The following RTN4IP1 variants were observed in gnomAD, a reference collection of about 807,000 sequenced individuals.
RTN4IP1 encodes NAD(P)H oxidoreductase RTN4IP1, mitochondrial.
Under a neutral mutation model 46.6 loss-of-function variants are expected in RTN4IP1, and 32 were observed. The ratio of observed to expected loss-of-function variants is 0.69; its 90% CI spans 0.52 to 0.92. The LOEUF is 0.92. Among genes scored for constraint, RTN4IP1 ranks in the 40% least tolerant of loss-of-function variants. The probability of loss-of-function intolerance (pLI) is 0.00; values close to 1 mark genes in which losing one functional copy is unlikely to be tolerated. For synonymous variants in RTN4IP1, 167 were observed against 161.8 expected, an observed-to-expected ratio of 1.03 and a Z score of -0.24; for missense variants, 424 against 485.8, an observed-to-expected ratio of 0.87 and a Z score of 1.20.
intron 5 of RTN4IP1, among the ~76,000 whole-genome samples, chr6:106,594,615 A>G (rs147542813): frequency 2.0e-3 from 305 of 152,238 alleles, no homozygotes; most frequent in African/African-American, 6.9e-3. Flanking sequence ...AAATTCTCCC[A>G]TGTGCCCCAA....
intron 4 of RTN4IP1, among the ~76,000 whole-genome samples, chr6:106,617,688 C>T (rs1776388240): frequency 6.6e-6 from 1 of 152,060 alleles, no homozygotes; most frequent in African/African-American, 2.4e-5. Context: ...AGAGACAGAT[C>T]TTTGTCTCTA....
intron 8 of RTN4IP1, among the ~76,000 whole-genome samples, chr6:106,576,923 T>C (rs1341368983): frequency 6.6e-6 from 1 of 152,178 alleles, no homozygotes; most frequent in African/African-American, 2.4e-5. Context: ...TAAGTGATAG[T>C]GGGCCTTCAG....
intron 5 of RTN4IP1, among the ~76,000 whole-genome samples, chr6:106,592,993 G>A (rs1775701059): frequency 6.6e-6 from 1 of 150,626 alleles, no homozygotes. Context: ...CCCAAAAATA[G>A]TATGTCTTCA....
At chr6:106,602,485 A>G (rs1250870244) in intron 5 of RTN4IP1, among the ~76,000 whole-genome samples, 2 of 152,118 alleles carry the variant, frequency 1.3e-5, no homozygotes, top group Admixed American at 6.5e-5. Flanking sequence ...GCTGTTTCCT[A>G]TTAAATTGCT....
At chr6:106,598,621 G>A (rs1406091304) in intron 5 of RTN4IP1, among the ~76,000 whole-genome samples, 2 of 151,968 alleles carry the variant, frequency 1.3e-5, no homozygotes, top group Non-Finnish European at 2.9e-5. Context: ...AGTAGGTTGC[G>A]AAAATTTTCT....
At position 106,625,050 on chromosome 6, in the gene RTN4IP1, C is replaced by CCAAATTATTATTA. The variant is rs1776602738; in HGVS notation, c.275-2082_275-2081insTAATAATAATTTG. Among the ~76,000 whole-genome samples the CCAAATTATTATTA allele has an allele frequency of 2.6e-5, 4 of 151,878 alleles. No homozygotes were observed. In the South Asian group the frequency reaches 6.2e-4, roughly 24 times the overall value. On this transcript the variant is annotated intron_variant, in intron 1 of 8. Transcript: ENST00000369063. ...TTTTTTGGTTCAAGTAAATTTGCTA[C>CCAAATTATTATTA]TCTATAATAATCCAGAGTAATTTAT...
chr6:106,629,284 C>A lies in RTN4IP1; in HGVS notation c.-263G>T. On this transcript the variant is annotated 5_prime_UTR_variant, in exon 1 of 9. Transcript: ENST00000369063. ...TCCATTCTCCTCCCTCACTTTCACC[C>A]CCTCCACTTTAAAAAAAAAAGGGGG... 3.7e-6 allele frequency: 2 copies of A among 546,882 alleles called. No individual in the cohort carries two copies. The highest frequency in any genetic ancestry group is 6.4e-6 in the Non-Finnish European group (2 of 310,696). The allele number at this position is 546,882 out of a possible 1,614,324, so 33.9% of individuals were successfully genotyped here. A position where few individuals can be genotyped will look rare whatever the true frequency, so the allele number is the denominator to read the frequency against.
At chr6:106,588,896 A>G (rs1488340241) in intron 6 of RTN4IP1, among the ~76,000 whole-genome samples, 2 of 151,860 alleles carry the variant, frequency 1.3e-5, no homozygotes, top group Non-Finnish European at 2.9e-5. Flanking sequence ...GGATCACCTG[A>G]GGTCAGGAGT....
intron 7 of RTN4IP1, among the ~76,000 whole-genome samples, chr6:106,584,006 C>T (rs1042376008): frequency 6.6e-6 from 1 of 152,218 alleles, no homozygotes; most frequent in Non-Finnish European, 1.5e-5. Context: ...AATACAAAGC[C>T]ATCTCATCTA....
chr6:106,590,649 A>G (rs1775633353), intron 6 of RTN4IP1, among the ~76,000 whole-genome samples: 1 of 129,620 alleles, frequency 7.7e-6, no homozygotes, highest in Admixed American at 9.4e-5. Context: ...CGGAAGGCAG[A>G]GGTTGCAGTG....
At chr6:106,630,035 C>G (rs1776785196), upstream of RTN4IP1, among the ~76,000 whole-genome samples, 1 of 152,196 alleles carries the variant, frequency 6.6e-6, no homozygotes, top group Admixed American at 6.5e-5. Context: ...ACTTCAGTCT[C>G]TCTTCTGTCC....
At chr6:106,575,635 G>A (rs1775208989) in intron 8 of RTN4IP1, among the ~76,000 whole-genome samples, 1 of 152,218 alleles carries the variant, frequency 6.6e-6, no homozygotes, top group Non-Finnish European at 1.5e-5. Flanking sequence ...CATGGCAGCA[G>A]GCAGAGGTTT....
At chr6:106,630,037 C>T (rs1562161314), upstream of RTN4IP1, among the ~76,000 whole-genome samples, 3 of 152,320 alleles carry the variant, frequency 2.0e-5, no homozygotes, top group South Asian at 2.1e-4. Flanking sequence ...TTCAGTCTCT[C>T]TTCTGTCCCC....
chr6:106,606,856 G>A (rs1443082470), intron 4 of RTN4IP1, among the ~76,000 whole-genome samples: 3 of 152,048 alleles, frequency 2.0e-5, no homozygotes, highest in African/African-American at 7.3e-5. Context: ...CTTAATTCAA[G>A]CCTTATCAAA....
intron 8 of RTN4IP1, among the ~76,000 whole-genome samples, chr6:106,577,112 A>G (rs781750010): frequency 6.6e-6 from 1 of 152,184 alleles, no homozygotes; most frequent in African/African-American, 2.4e-5. Context: ...AATTAGATGA[A>G]GAATATACAT....
intron 6 of RTN4IP1, 34 bp downstream of exon 6, chr6:106,592,130 C>A: frequency 1.2e-6 from 2 of 1,600,776 alleles, no homozygotes; most frequent in Non-Finnish European, 1.7e-6. Flanking sequence ...GTCCTTGTTC[C>A]CACTCCCAGT....
intron 8 of RTN4IP1, among the ~76,000 whole-genome samples, chr6:106,577,150 C>T (rs1318698102): frequency 6.6e-6 from 1 of 152,054 alleles, no homozygotes; most frequent in African/African-American, 2.4e-5. Flanking sequence ...AAAATATCTT[C>T]CTGGCCGTGT....
upstream of RTN4IP1, chr6:106,629,512 C>A: frequency 1.1e-6 from 1 of 888,236 alleles, no homozygotes; most frequent in Non-Finnish European, 1.7e-6. Context: ...GCCAACCAAT[C>A]GCCTACAAAG....
In RTN4IP1 at chr6:106,618,609, C is replaced by T. The variant is rs561080166; in HGVS notation, c.620+593G>A. Reference sequence around the variant, plus strand: ...GAAAGCAACAGAATCTACATATAAACTCAAGTACATCTGAGACATTTCTGG... The same window carrying T: ...GAAAGCAACAGAATCTACATATAAATTCAAGTACATCTGAGACATTTCTGG... On this transcript the variant is annotated intron_variant, in intron 4 of 8. Coordinates refer to ENST00000369063, the MANE Select transcript of RTN4IP1 (RefSeq NM_032730.5). Among the ~76,000 whole-genome samples the T allele has an allele frequency of 1.3e-3, 195 of 152,290 alleles. 1 individual carries two copies. Among genetic ancestry groups the T allele is most frequent in the African/African-American group, 4.2e-3 (174 of 41,554 alleles).
Sources: gnomAD v4.1 joint callset for allele counts (sites outside exome capture counted in the v4.1 genomes callset) on GRCh38, gnomAD v4.1.1 for gene constraint, MANE v1.5 for transcripts, NCBI Gene and HGNC (gene_info 2026-07-23, HGNC 2026-07-21) for gene names.